SNX8: variants seen among roughly 807,000 people sequenced by gnomAD.
SNX8 encodes sorting nexin 8.
A neutral mutation model predicts 51.6 loss-of-function variants in SNX8; 25 were observed. The ratio of observed to expected loss-of-function variants is 0.48; its 90% CI spans 0.35 to 0.68. The LOEUF (loss-of-function observed/expected upper bound fraction) is 0.68, where lower values mean the gene tolerates loss of function less well. SNX8 is among the 30% of genes least tolerant of loss of function. The probability of loss-of-function intolerance (pLI) is 0.00; values close to 1 mark genes in which losing one functional copy is unlikely to be tolerated. For synonymous variants in SNX8, 324 were observed against 277.0 expected, an observed-to-expected ratio of 1.17 and a Z score of -1.68; for missense variants, 695 against 624.0, an observed-to-expected ratio of 1.11 and a Z score of -1.21.
At chr7:2,324,958 A>G (rs1343650676) in intron 1 of SNX8, among the ~76,000 whole-genome samples, 1 of 147,842 alleles carries the variant, frequency 6.8e-6, no homozygotes, top group Non-Finnish European at 1.5e-5. Context: ...GGCATTGGCC[A>G]TGTAGCCAGG....
intron 1 of SNX8, among the ~76,000 whole-genome samples, chr7:2,328,939 A>G (rs1384333156): frequency 2.0e-5 from 3 of 152,060 alleles, no homozygotes; most frequent in African/African-American, 7.2e-5. Context: ...CAAAAAAGTT[A>G]GCCGGGCGTG....
At chr7:2,330,081 T>C (rs1362052137) in intron 1 of SNX8, among the ~76,000 whole-genome samples, 4 of 149,862 alleles carry the variant, frequency 2.7e-5, no homozygotes, top group African/African-American at 9.8e-5. Flanking sequence ...TCAGACCACC[T>C]CGGCCTCCCA....
chr7:2,271,649 A>G (rs2115121416), intron 4 of SNX8, among the ~76,000 whole-genome samples: 1 of 152,376 alleles, frequency 6.6e-6, no homozygotes, highest in African/African-American at 2.4e-5. Flanking sequence ...AAAATCCTGC[A>G]AAGTCAACAC....
At position 2,278,301 on chromosome 7, in the gene SNX8, C is replaced by T; in HGVS notation, c.99G>A (p.Leu33=). ...GGGGCTCGATGGCCTGGGGTGTCGG[C>T]AGATCTGCAGGGGAGATGGTGAATG... ...DEEADPPASD[L]PTPQAIEPQA... Residue 33 remains leucine (L), a synonymous_variant, in exon 2 of 11, where the codon CTG becomes CTA. Transcript: ENST00000222990. 3 of 1,547,556 alleles carry T rather than the reference C, an allele frequency of 1.9e-6. No individual in the cohort carries two copies. The highest frequency in any genetic ancestry group is 2.7e-6 in the Non-Finnish European group (3 of 1,130,948).
intron 1 of SNX8, among the ~76,000 whole-genome samples, chr7:2,334,267 G>GCC (rs1778786477): frequency 6.6e-6 from 1 of 152,136 alleles, no homozygotes; most frequent in Non-Finnish European, 1.5e-5. Context: ...GCCAGGCGTG[G>GCC]TGGCGGGCAC....
intron 4 of SNX8, among the ~76,000 whole-genome samples, chr7:2,270,407 G>A (rs1051634129): frequency 2.7e-5 from 4 of 149,734 alleles, no homozygotes; most frequent in African/African-American, 7.4e-5. Context: ...CGGGAGGATC[G>A]CTGGAGCCCA....
At chr7:2,256,703 A>G (rs968352947) in intron 10 of SNX8, among the ~76,000 whole-genome samples, 171 bp downstream of exon 10, 12 of 152,194 alleles carry the variant, frequency 7.9e-5, no homozygotes, top group African/African-American at 2.9e-4. Context: ...TTGGCTACAC[A>G]GGAGACTAGA....
intron 7 of SNX8, among the ~76,000 whole-genome samples, chr7:2,259,142 T>C (rs943165008): frequency 2.0e-5 from 3 of 152,124 alleles, no homozygotes; most frequent in Non-Finnish European, 4.4e-5. Context: ...ATCCAAGCTC[T>C]GGAGACAGCA....
chr7:2,330,538 G>C (rs2115234884), intron 1 of SNX8, among the ~76,000 whole-genome samples: 1 of 152,210 alleles, frequency 6.6e-6, no homozygotes, highest in Middle Eastern at 3.4e-3. Context: ...ACGGTCCTGG[G>C]AACCTCAACA....
chr7:2,276,855 G>A (rs1214277107), intron 2 of SNX8, among the ~76,000 whole-genome samples: 3 of 150,260 alleles, frequency 2.0e-5, no homozygotes, highest in Non-Finnish European at 4.5e-5. Context: ...TGAGGTGGGA[G>A]GGTTGCTTGA....
chr7:2,292,442 T>C (rs925848471), intron 1 of SNX8, among the ~76,000 whole-genome samples: 2 of 151,714 alleles, frequency 1.3e-5, no homozygotes, highest in Non-Finnish European at 2.9e-5. Flanking sequence ...GACGGAGTCT[T>C]GCTCTGTCGC....
intron 1 of SNX8, among the ~76,000 whole-genome samples, chr7:2,279,383 C>T (rs1436635985): frequency 6.6e-6 from 1 of 152,058 alleles, no homozygotes; most frequent in Non-Finnish European, 1.5e-5. Flanking sequence ...TACACCCACT[C>T]ATGCTACGGA....
intron 1 of SNX8, among the ~76,000 whole-genome samples, chr7:2,340,158 G>C (rs926547903): frequency 2.0e-5 from 3 of 151,638 alleles, no homozygotes; most frequent in Non-Finnish European, 2.9e-5. Context: ...TACCTCCCTG[G>C]TTCAAGTGAT....
intron 3 of SNX8, 88 bp from the exon 4 acceptor site, chr7:2,272,059 A>G: frequency 7.7e-6 from 12 of 1,555,440 alleles, no homozygotes; most frequent in Non-Finnish European, 1.1e-5. Context: ...CTCTCCCTAG[A>G]GGTGGCAGAG....
intron 1 of SNX8, among the ~76,000 whole-genome samples, chr7:2,307,048 A>C (rs1233446438): frequency 6.6e-6 from 1 of 152,148 alleles, no homozygotes; most frequent in Admixed American, 6.6e-5. Context: ...TAGGGAGCTA[A>C]AAAGACCCCC....
chr7:2,296,643 T>C (rs1796278141), intron 1 of SNX8, among the ~76,000 whole-genome samples: 1 of 151,980 alleles, frequency 6.6e-6, no homozygotes, highest in Non-Finnish European at 1.5e-5. Flanking sequence ...TAAGATATTT[T>C]GAAACAGCCG....
intron 5 of SNX8, among the ~76,000 whole-genome samples, chr7:2,265,317 G>A (rs983416489): frequency 6.6e-6 from 1 of 152,172 alleles, no homozygotes; most frequent in Non-Finnish European, 1.5e-5. Flanking sequence ...CCCAGCCTGG[G>A]CAACAGAGCG....
At chr7:2,261,915 A>C (rs1795346476) in intron 7 of SNX8, among the ~76,000 whole-genome samples, 1 of 152,252 alleles carries the variant, frequency 6.6e-6, no homozygotes, top group Admixed American at 6.5e-5. Flanking sequence ...TCCGGGGCTC[A>C]GGGGAAGCAC....
intron 1 of SNX8, among the ~76,000 whole-genome samples, chr7:2,346,913 C>T (rs1779040809): frequency 7.3e-6 from 1 of 137,230 alleles, no homozygotes; most frequent in Non-Finnish European, 1.5e-5. Context: ...GAGATTGAGA[C>T]TCCGTCTCAA....
Sources: allele counts gnomAD v4.1 joint callset (sites outside exome capture counted in the v4.1 genomes callset), GRCh38; gene constraint gnomAD v4.1.1; transcripts MANE v1.5; gene names NCBI Gene and HGNC (gene_info 2026-07-23, HGNC 2026-07-21).